Variants in CD226 observed in about 807,000 individuals in gnomAD.
CD226 encodes the protein CD226 molecule.
In CD226, 24 loss-of-function variants were observed where a neutral mutation model predicts 34.9. That is an observed-to-expected ratio of 0.69 (90% CI 0.50 to 0.97). The LOEUF (loss-of-function observed/expected upper bound fraction) is 0.97, where lower values mean the gene tolerates loss of function less well. CD226 is among the 50% of genes least tolerant of loss of function. The probability of loss-of-function intolerance (pLI) is 0.00; values close to 1 mark genes in which losing one functional copy is unlikely to be tolerated. For synonymous variants in CD226, 148 were observed against 147.4 expected, an observed-to-expected ratio of 1.00 and a Z score of -0.03; for missense variants, 397 against 412.7, an observed-to-expected ratio of 0.96 and a Z score of 0.33.
Position 69,895,884 on chromosome 18 carries a change from C to T in CD226, c.544G>A (p.Val182Ile), listed in dbSNP as rs1288078766. ...TTGGAGGTGAAATTTCTGCCATGGA[C>T]CAAGTTGCAGTAAGTTAAGAGGTCG... The part of the protein sequence containing the change: ...QIDLLTYCNL[V>I]HGRNFTSKFP... The change falls in exon 3 of 6, where the codon GTC (valine) becomes ATC (isoleucine). Residue 182 changes from valine to isoleucine, a missense_variant. By Grantham distance (29) the Val-to-Ile change is conservative (BLOSUM62 3). Coordinates refer to ENST00000582621, the MANE Select transcript of CD226 (RefSeq NM_001303618.2). The T allele has an allele frequency of 1.2e-6, 2 of 1,614,048 alleles. No homozygotes were observed. The highest frequency in any genetic ancestry group is 1.7e-6 in the Non-Finnish European group (2 of 1,180,036).
intron 2 of CD226, among the ~76,000 whole-genome samples, chr18:69,916,324 A>G (rs2055385257): frequency 6.6e-6 from 1 of 152,180 alleles, no homozygotes; most frequent in Non-Finnish European, 1.5e-5. Context: ...AGAATTTAAG[A>G]ATGCTCTAGT....
chr18:69,910,706 A>G (rs1225996968), intron 2 of CD226, among the ~76,000 whole-genome samples: 1 of 152,256 alleles, frequency 6.6e-6, no homozygotes, highest in Non-Finnish European at 1.5e-5. Flanking sequence ...TTTAACAAAC[A>G]TACCACAATA....
At chr18:69,940,178 C>T (rs1158660072) in intron 2 of CD226, among the ~76,000 whole-genome samples, 1 of 152,194 alleles carries the variant, frequency 6.6e-6, no homozygotes, top group African/African-American at 2.4e-5. Flanking sequence ...TTTGCTTCCC[C>T]TTCCACCATG....
chr18:69,947,683 A>G lies in CD226; in HGVS notation c.-277T>C, dbSNP rs971666941. The G allele has an allele frequency of 3.2e-6, 1 of 309,618 alleles. No individual in the cohort carries two copies. Among genetic ancestry groups the G allele is most frequent in the African/African-American group, 2.2e-5 (1 of 46,296 alleles). The allele number at this position is 309,618 out of a possible 1,614,324, so 19.2% of individuals were successfully genotyped here. ...CTACAAGGAGTCATTCATTCAACAA[A>G]CATGTGCTGCATGCATTCTCTGTGC... is the stretch of plus-strand genomic sequence containing the variant. On this transcript the variant is annotated 5_prime_UTR_variant, in exon 1 of 6. Coordinates refer to ENST00000582621, the MANE Select transcript of CD226 (RefSeq NM_001303618.2).
intron 3 of CD226, among the ~76,000 whole-genome samples, chr18:69,878,750 T>C (rs1984033333): frequency 6.6e-6 from 1 of 152,192 alleles, no homozygotes; most frequent in Non-Finnish European, 1.5e-5. Flanking sequence ...GCCGCCATCA[T>C]GGTGTGTGTG....
Position 69,895,884 on chromosome 18 carries a change from C to A in CD226, c.544G>T (p.Val182Phe). 3 of 1,614,166 alleles carry A rather than the reference C, an allele frequency of 1.9e-6. No individual in the cohort carries two copies. Among genetic ancestry groups the A allele is most frequent in the South Asian group, 2.2e-5 (2 of 91,086 alleles). The change falls in exon 3 of 6, where the codon GTC (valine) becomes TTC (phenylalanine). Residue 182 changes from valine to phenylalanine, a missense_variant. By Grantham distance (50) the Val-to-Phe change is conservative. Transcript: ENST00000582621. ...QIDLLTYCNL[V>F]HGRNFTSKFP... ...TTGGAGGTGAAATTTCTGCCATGGA[C>A]CAAGTTGCAGTAAGTTAAGAGGTCG...
Position 69,943,147 on chromosome 18 carries a change from T to C in CD226, c.382+3587A>G, listed in dbSNP as rs1260357032. On this transcript the variant is annotated intron_variant, in intron 2 of 5. Coordinates refer to ENST00000582621, the MANE Select transcript of CD226 (RefSeq NM_001303618.2). ...ACGGGAACATATTACCTCCCCATAGTGCTTCATAAGGATTAAATGAAATGA... is the reference window on the plus strand; with the variant it reads ...ACGGGAACATATTACCTCCCCATAGCGCTTCATAAGGATTAAATGAAATGA... 2.6e-5 allele frequency among the ~76,000 whole-genome samples: 4 copies of C among 152,228 alleles called. No individual in the cohort carries two copies. The East Asian group carries it at 7.7e-4, about 29-fold the overall frequency.
At chr18:69,882,126 A>G (rs1261434558) in intron 3 of CD226, among the ~76,000 whole-genome samples, 1 of 152,220 alleles carries the variant, frequency 6.6e-6, no homozygotes, top group Non-Finnish European at 1.5e-5. Flanking sequence ...TAAGGCCCAG[A>G]GAATCTAAAT....
At chr18:69,908,215 T>C (rs1289236726) in intron 2 of CD226, among the ~76,000 whole-genome samples, 1 of 152,244 alleles carries the variant, frequency 6.6e-6, no homozygotes, top group Non-Finnish European at 1.5e-5. Context: ...GTTTTCTATT[T>C]CTGTGGCTAT....
At chr18:69,867,174 G>T (rs1462840195) in intron 5 of CD226, among the ~76,000 whole-genome samples, 183 bp downstream of exon 5, 1 of 151,970 alleles carries the variant, frequency 6.6e-6, no homozygotes, top group Non-Finnish European at 1.5e-5. Context: ...AGTTTCAAAG[G>T]GTATTAAAAA....
At chr18:69,881,909 A>G (rs1361040458) in intron 3 of CD226, among the ~76,000 whole-genome samples, 1 of 152,210 alleles carries the variant, frequency 6.6e-6, no homozygotes, top group Non-Finnish European at 1.5e-5. Context: ...CCAAGTTTTC[A>G]AAGGTCAACT....
rs1982790756 is a variant in CD226 at position 69,861,097 on chromosome 18, TA to T, written c.*3216del. On this transcript the variant is annotated 3_prime_UTR_variant, in exon 6 of 6. Transcript: ENST00000582621. ...ATGTTCACAATCCACGAATGCCTAC[TA>T]AAAGTATTTTTACTTACTTTGTCTT... 4 of 152,212 alleles carry T rather than the reference TA, an allele frequency of 2.6e-5. No homozygotes were observed. Among genetic ancestry groups the T allele is most frequent in the Admixed American group, 2.6e-4 (4 of 15,300 alleles). 9.4% of individuals were successfully genotyped at this position (152,212 alleles called of 1,614,324 possible). A position where few individuals can be genotyped will look rare whatever the true frequency, so the allele number is the denominator to read the frequency against.
chr18:69,945,729 C>T (rs1174678246), intron 2 of CD226, among the ~76,000 whole-genome samples: 3 of 152,076 alleles, frequency 2.0e-5, no homozygotes, highest in South Asian at 4.2e-4. Flanking sequence ...TGTATTAGTC[C>T]GTTTTCACCC....
At position 69,880,304 on chromosome 18, in the gene CD226, GAGAA is replaced by G. The variant is rs1169923553; in HGVS notation, c.728-7062_728-7059del. On this transcript the variant is annotated intron_variant, in intron 3 of 5. Transcript: ENST00000582621. ...GGGAAGGGAAGGGAAAGGAAGAGAA[GAGAA>G]AGAAAGAAAGAAAAAGAAAGAGAGA... Among the ~76,000 whole-genome samples, 314 of 133,436 alleles carry G rather than the reference GAGAA, an allele frequency of 2.4e-3. 2 individuals carry two copies. Among genetic ancestry groups the G allele is most frequent in the African/African-American group, 8.3e-3 (276 of 33,308 alleles). The allele number at this position is 133,436 out of a possible 152,430, so 87.5% of individuals were successfully genotyped here.
At chr18:69,866,937 T>G (rs1983185695) in intron 5 of CD226, among the ~76,000 whole-genome samples, 1 of 152,206 alleles carries the variant, frequency 6.6e-6, no homozygotes, top group Non-Finnish European at 1.5e-5. Context: ...GATAGAAGCA[T>G]GGGATGGATT....
intron 2 of CD226, among the ~76,000 whole-genome samples, chr18:69,904,012 C>T (rs1361043711): frequency 1.3e-5 from 2 of 152,162 alleles, no homozygotes; most frequent in Admixed American, 6.5e-5. Flanking sequence ...CACAACACTG[C>T]TTCCCACACG....
At chr18:69,892,250 CT>C (rs1360366859) in intron 3 of CD226, among the ~76,000 whole-genome samples, 1 of 152,188 alleles carries the variant, frequency 6.6e-6, no homozygotes, top group Admixed American at 6.5e-5. Context: ...TGCCTTCATT[CT>C]TTTTATAGCC....
intron 2 of CD226, among the ~76,000 whole-genome samples, chr18:69,899,921 T>C (rs547171533): frequency 6.6e-6 from 1 of 152,304 alleles, no homozygotes; most frequent in African/African-American, 2.4e-5. Flanking sequence ...AGCAATCCCA[T>C]TCCTGGGCAT....
intron 3 of CD226, among the ~76,000 whole-genome samples, chr18:69,890,507 G>A (rs529237329): frequency 1.3e-5 from 2 of 152,188 alleles, no homozygotes; most frequent in South Asian, 4.2e-4. Context: ...AGTCACTCGA[G>A]GGTAGCAATT....
Sources: gnomAD v4.1 joint callset for allele counts (sites outside exome capture counted in the v4.1 genomes callset) on GRCh38, gnomAD v4.1.1 for gene constraint, MANE v1.5 for transcripts, NCBI Gene and HGNC (gene_info 2026-07-23, HGNC 2026-07-21) for gene names.